CASP14: variants seen among roughly 807,000 people sequenced by gnomAD.
The protein encoded by CASP14 is caspase-14.
CASP14 carries 27 observed loss-of-function variants against 28.4 expected under a neutral mutation model. The observed-to-expected ratio is 0.95, with a 90% CI of 0.70 to 1.31. The LOEUF (loss-of-function observed/expected upper bound fraction) is 1.31, where lower values mean the gene tolerates loss of function less well. Among genes scored for constraint, CASP14 ranks in the 50% most tolerant of loss-of-function variants. CASP14 has a pLI of 0.00. For missense variants in CASP14, 323 were observed against 312.8 expected (o/e 1.03, Z -0.25); for synonymous variants, 115 against 118.6 (o/e 0.97, Z 0.20).
intron 6 of CASP14, 105 bp from the exon 7 acceptor site, chr19:15,055,880 G>C: frequency 5.0e-6 from 4 of 803,206 alleles, no homozygotes; most frequent in Non-Finnish European, 8.3e-6. Context: ...GGCCACAACG[G>C]TCTCTCATCT....
At chr19:15,052,925 A>G (rs2046097654) in intron 2 of CASP14, among the ~76,000 whole-genome samples, 1 of 152,222 alleles carries the variant, frequency 6.6e-6, no homozygotes, top group African/African-American at 2.4e-5. Context: ...GGGAACTAAA[A>G]ATAAAGGACA....
At chr19:15,051,174 AT>A (rs2046088900) in intron 1 of CASP14, among the ~76,000 whole-genome samples, 1 of 149,540 alleles carries the variant, frequency 6.7e-6, no homozygotes, top group Admixed American at 6.7e-5. Flanking sequence ...TGCCACCAAA[AT>A]TGTCAGAGAA....
chr19:15,055,615 C>T, intron 6 of CASP14, 82 bp downstream of exon 6: 1 of 885,648 alleles, frequency 1.1e-6, no homozygotes, highest in Admixed American at 2.2e-5. Flanking sequence ...CTCCTAACCC[C>T]TCTCCATTTC....
Position 15,053,705 on chromosome 19 carries a change from C to T in CASP14, c.178-28C>T, listed in dbSNP as rs1353532247. 3.1e-6 allele frequency: 5 copies of T among 1,612,806 alleles called. No individual in the cohort carries two copies. In the East Asian group the frequency reaches 1.1e-4, roughly 36 times the overall value. ...GGAAGTGTAGGCTATGGGGACCCAG[C>T]TGAGTCTGGTTCTTCCTCTCACTCC... On this transcript the variant is annotated intron_variant, in intron 3 of 6. Coordinates refer to ENST00000427043, the MANE Select transcript of CASP14 (RefSeq NM_012114.3).
At chr19:15,052,385 C>T (rs1195793061) in intron 2 of CASP14, 107 bp downstream of exon 2, 5 of 1,134,378 alleles carry the variant, frequency 4.4e-6, no homozygotes, top group Non-Finnish European at 6.1e-6. Context: ...ATGATCTGAA[C>T]TCAGAGCTAG....
In CASP14 at chr19:15,057,439, G is replaced by C. The variant is rs1386378018; in HGVS notation, c.*1350G>C. On this transcript the variant is annotated 3_prime_UTR_variant, in exon 7 of 7. Coordinates refer to ENST00000427043, the MANE Select transcript of CASP14 (RefSeq NM_012114.3). ...GTCTTCTCTTCCCTGACATGTTACT[G>C]TCCAGGCTCAAGTCCTCAGCTTCTC... is the stretch of plus-strand genomic sequence containing the variant. 6.6e-6 allele frequency: 1 copy of C among 152,230 alleles called. No individual in the cohort carries two copies. The highest frequency in any genetic ancestry group is 1.5e-5 in the Non-Finnish European group (1 of 68,102). 9.4% of individuals were successfully genotyped at this position (152,230 alleles called of 1,614,324 possible).
chr19:15,055,900 A>G (rs769352959), intron 6 of CASP14, 85 bp from the exon 7 acceptor site: 7 of 1,006,950 alleles, frequency 7.0e-6, no homozygotes, highest in Non-Finnish European at 9.1e-6. Context: ...TTAGGACAAG[A>G]ATACCCACCT....
Position 15,055,175 on chromosome 19 carries a change from G to GAAACAGT in CASP14, c.423_429dup (p.Gly144AsnfsTer6). ...TGTTTCAGAACAAAGGGACCCCGGT[G>GAAACAGT]AAACAGTAGGTGGAGATGAGATTGT... On this transcript the variant is annotated frameshift_variant, in exon 5 of 7. Coordinates refer to ENST00000427043, the MANE Select transcript of CASP14 (RefSeq NM_012114.3). LOFTEE classifies it high-confidence loss of function. 1.2e-6 allele frequency: 2 copies of GAAACAGT among 1,614,038 alleles called. No individual in the cohort carries two copies. The highest frequency in any genetic ancestry group is 1.7e-6 in the Non-Finnish European group (2 of 1,179,954).
Position 15,056,581 on chromosome 19 carries a change from A to C in CASP14, c.*492A>C, listed in dbSNP as rs2046118712. On this transcript the variant is annotated 3_prime_UTR_variant, in exon 7 of 7. Transcript: ENST00000427043. Reference sequence around the variant, plus strand: ...CTTTCCTTTACCCTGGAGAGTTAGTAAGGTAAGAACCATTCTTTCTCTCCA... The same window carrying C: ...CTTTCCTTTACCCTGGAGAGTTAGTCAGGTAAGAACCATTCTTTCTCTCCA... The C allele has an allele frequency of 6.3e-6, 1 of 159,962 alleles. No homozygotes were observed. Among genetic ancestry groups the C allele is most frequent in the Non-Finnish European group, 1.4e-5 (1 of 72,166 alleles). The allele number at this position is 159,962 out of a possible 1,614,324, so 9.9% of individuals were successfully genotyped here. A position where few individuals can be genotyped will look rare whatever the true frequency, so the allele number is the denominator to read the frequency against.
In CASP14 at chr19:15,055,232, C is replaced by T. The variant is rs1182455371; in HGVS notation, c.478C>T (p.Pro160Ser). The part of the protein sequence containing the change: ...MVIKDSPQTI[P>S]TYTDALHVYS... ...CATCAAAGACAGCCCACAAACCATC[C>T]CAACATACACAGATGCCTTGCACGT... The change falls in exon 5 of 7, where the codon CCA (proline) becomes TCA (serine). Residue 160 changes from proline (P) to serine (S), a missense_variant. Transcript: ENST00000427043. The T allele has an allele frequency of 1.2e-6, 2 of 1,614,004 alleles. No homozygotes were observed. Among genetic ancestry groups the T allele is most frequent in the Non-Finnish European group, 1.7e-6 (2 of 1,179,960 alleles).
intron 4 of CASP14, among the ~76,000 whole-genome samples, chr19:15,054,551 C>T (rs372500424): frequency 3.9e-5 from 6 of 152,112 alleles, no homozygotes; most frequent in African/African-American, 1.4e-4. Flanking sequence ...CCATTGCACT[C>T]CAGCCTGGGC....
chr19:15,052,361 G>A, intron 2 of CASP14, 83 bp downstream of exon 2: 1 of 1,319,060 alleles, frequency 7.6e-7, no homozygotes, highest in Non-Finnish European at 1.0e-6. Flanking sequence ...AAGAGTGGAG[G>A]GACTGAAAAA....
rs779210835 is a variant in CASP14, at chr19:15,057,219, G to C, written c.*1130G>C. On this transcript the variant is annotated 3_prime_UTR_variant, in exon 7 of 7. Coordinates refer to ENST00000427043, the MANE Select transcript of CASP14 (RefSeq NM_012114.3). ...GACCTTTCCTGCTCAAGTAACCTAC[G>C]GGCACATCCAGCGTCACTAAAAACT... The C allele has an allele frequency of 2.0e-5, 3 of 151,938 alleles. No homozygotes were observed. The highest frequency in any genetic ancestry group is 2.9e-5 in the Non-Finnish European group (2 of 68,026). 9.4% of individuals were successfully genotyped at this position (151,938 alleles called of 1,614,324 possible).
At chr19:15,050,440 C>T (rs1006838264) in intron 1 of CASP14, among the ~76,000 whole-genome samples, 1 of 145,886 alleles carries the variant, frequency 6.9e-6, no homozygotes, top group Non-Finnish European at 1.5e-5. Flanking sequence ...GTGCATAACA[C>T]ATAATAGATA....
At position 15,053,598 on chromosome 19, in the gene CASP14, C is replaced by A. The variant is rs751047294; in HGVS notation, c.144C>A (p.Phe48Leu). ...AACACATGTTTCGGCAGCTGAGATTCGAAAGCACCATGAAAAGAGACCCCA... is the reference window on the plus strand; with the variant it reads ...AACACATGTTTCGGCAGCTGAGATTAGAAAGCACCATGAAAAGAGACCCCA... ...ALEHMFRQLR[F>L]ESTMKRDPTA... is the part of the protein sequence containing the mutation. Residue 48 changes from phenylalanine (F) to leucine (L), a missense_variant, in exon 3 of 7, where the codon TTC becomes TTA. Coordinates refer to ENST00000427043, the MANE Select transcript of CASP14 (RefSeq NM_012114.3). The A allele has an allele frequency of 6.2e-7, 1 of 1,614,088 alleles. No homozygotes were observed. Among genetic ancestry groups the A allele is most frequent in the Non-Finnish European group, 8.5e-7 (1 of 1,180,030 alleles).
chr19:15,050,234 G>GCTATGCTC (rs966913204), intron 1 of CASP14, among the ~76,000 whole-genome samples: 3 of 151,968 alleles, frequency 2.0e-5, no homozygotes, highest in Non-Finnish European at 4.4e-5. Flanking sequence ...TGGCTCCAGG[G>GCTATGCTC]CTATGCTCCT....
At chr19:15,052,381 T>C in intron 2 of CASP14, 103 bp downstream of exon 2, 1 of 1,165,528 alleles carries the variant, frequency 8.6e-7, no homozygotes, top group East Asian at 3.0e-5. Flanking sequence ...AATCATGATC[T>C]GAACTCAGAG....
At chr19:15,050,102 T>C (rs974853929) in intron 1 of CASP14, among the ~76,000 whole-genome samples, 4 of 152,106 alleles carry the variant, frequency 2.6e-5, no homozygotes, top group Admixed American at 6.5e-5. Flanking sequence ...TGGGTCACCA[T>C]TGCTGTTAAG....
rs373831493 is a variant in CASP14, at chr19:15,055,268, G to A, written c.514G>A (p.Val172Ile). 2.4e-5 allele frequency: 38 copies of A among 1,613,226 alleles called. No homozygotes were observed. Among genetic ancestry groups the A allele is most frequent in the Non-Finnish European group, 3.1e-5 (37 of 1,179,420 alleles). The stretch of plus-strand genomic sequence containing the variant: ...AGATGCCTTGCACGTTTATTCCACG[G>A]TAGAGGGTATGAGCTCCCAGCTGGC... ...YTDALHVYSTVEGYIAYRHDQ... is the reference protein window; with the variant it reads ...YTDALHVYSTIEGYIAYRHDQ... The change falls in exon 5 of 7, where the codon GTA becomes ATA. Residue 172 changes from valine to isoleucine, a missense_variant. By Grantham distance (29) the Val-to-Ile change is conservative. Transcript: ENST00000427043.
Sources: allele counts gnomAD v4.1 joint callset (sites outside exome capture counted in the v4.1 genomes callset), GRCh38; gene constraint gnomAD v4.1.1; transcripts MANE v1.5; gene names NCBI Gene and HGNC (gene_info 2026-07-23, HGNC 2026-07-21).